Variants in ENAH observed in about 807,000 individuals in gnomAD.
ENAH encodes the protein protein enabled homolog.
A neutral mutation model predicts 78.7 loss-of-function variants in ENAH; 23 were observed. The observed-to-expected ratio is 0.29, with a 90% CI of 0.21 to 0.41. The LOEUF (loss-of-function observed/expected upper bound fraction) is 0.41, where lower values mean the gene tolerates loss of function less well. Among genes scored for constraint, ENAH ranks in the 10% least tolerant of loss-of-function variants. The pLI is 1.00. For missense variants in ENAH, 544 were observed against 691.0 expected (o/e 0.79, Z 2.39); for synonymous variants, 226 against 241.0 (o/e 0.94, Z 0.58).
intron 1 of ENAH, among the ~76,000 whole-genome samples, chr1:225,641,469 TAAAA>T (rs76444455): frequency 1.9e-5 from 1 of 52,290 alleles, no homozygotes; most frequent in African/African-American, 7.5e-5. Flanking sequence ...ACTCCATCTC[TAAAA>T]AAAAAAAAAA....
intron 2 of ENAH, among the ~76,000 whole-genome samples, chr1:225,564,151 T>C (rs887576665): frequency 1.3e-5 from 2 of 152,178 alleles, no homozygotes; most frequent in Non-Finnish European, 2.9e-5. Context: ...GGTCTTGTTC[T>C]GTCTCCCAGG....
intron 1 of ENAH, among the ~76,000 whole-genome samples, chr1:225,578,517 G>A (rs191306186): frequency 7.9e-4 from 121 of 152,238 alleles, no homozygotes; most frequent in South Asian, 1.9e-3. Context: ...AAACTAGTAA[G>A]ACTGAGATTA....
intron 1 of ENAH, among the ~76,000 whole-genome samples, chr1:225,637,826 G>A (rs770489792): frequency 3.3e-5 from 5 of 152,126 alleles, no homozygotes; most frequent in Non-Finnish European, 7.4e-5. Flanking sequence ...AGGAAGCCGA[G>A]GTGCAAGGAT....
At chr1:225,639,745 A>ACACACACACACAC (rs1558949307) in intron 1 of ENAH, among the ~76,000 whole-genome samples, 8 of 101,210 alleles carry the variant, frequency 7.9e-5, no homozygotes, top group African/African-American at 4.5e-4. Context: ...CACACACACA[A>ACACACACACACAC]GAAGGATGGT....
chr1:225,539,362 T>C (rs1314322341), intron 3 of ENAH, among the ~76,000 whole-genome samples: 1 of 152,166 alleles, frequency 6.6e-6, no homozygotes, highest in Non-Finnish European at 1.5e-5. Context: ...ATTTTTCTCA[T>C]CCATTTTACT....
intron 1 of ENAH, among the ~76,000 whole-genome samples, chr1:225,647,133 A>G (rs898163346): frequency 1.3e-5 from 2 of 151,976 alleles, no homozygotes; most frequent in Non-Finnish European, 2.9e-5. Flanking sequence ...GGCTGAGGCT[A>G]GAGAATTGCT....
At position 225,586,953 on chromosome 1, in the gene ENAH, G is replaced by A. The variant is rs546289913; in HGVS notation, c.6-19539C>T. On this transcript the variant is annotated intron_variant, in intron 1 of 13. Coordinates refer to ENST00000366843, the MANE Select transcript of ENAH (RefSeq NM_018212.6). ...CATCTCAAAAAAAAAAGAGGTGGGGGTGGGGTTGGCTGGGGGACAGAAAAA... is the reference window on the plus strand; with the variant it reads ...CATCTCAAAAAAAAAAGAGGTGGGGATGGGGTTGGCTGGGGGACAGAAAAA... Among the ~76,000 whole-genome samples, 4 of 150,176 alleles carry A rather than the reference G, an allele frequency of 2.7e-5. No individual in the cohort carries two copies. The South Asian group carries it at 8.4e-4, about 32-fold the overall frequency.
At chr1:225,653,387 A>C (rs1575899869), upstream of ENAH, among the ~76,000 whole-genome samples, 5 of 147,924 alleles carry the variant, frequency 3.4e-5, no homozygotes, top group African/African-American at 5.0e-5. The surrounding 1 kb of genome is among the most constrained non-coding windows in gnomAD (Gnocchi z 4.3). Flanking sequence ...CGCCCCCTGC[A>C]CCCCTCTGGG....
intron 3 of ENAH, among the ~76,000 whole-genome samples, chr1:225,553,049 T>A (rs1484760048): frequency 6.6e-6 from 1 of 152,018 alleles, no homozygotes; most frequent in Admixed American, 6.6e-5. Flanking sequence ...GCCTGGCCAA[T>A]ATGGTGAAAC....
chr1:225,606,588 C>T (rs2096956826), intron 1 of ENAH, among the ~76,000 whole-genome samples: 1 of 151,952 alleles, frequency 6.6e-6, no homozygotes, highest in African/African-American at 2.4e-5. Flanking sequence ...CGGTTCACGC[C>T]TATAATTCTA....
At chr1:225,615,915 G>A (rs1348181890) in intron 1 of ENAH, among the ~76,000 whole-genome samples, 1 of 152,214 alleles carries the variant, frequency 6.6e-6, no homozygotes, top group Admixed American at 6.5e-5. Flanking sequence ...AAAAGAAAGA[G>A]AAATCAGATT....
At chr1:225,535,126 T>C (rs181127420) in intron 3 of ENAH, among the ~76,000 whole-genome samples, 1 of 152,260 alleles carries the variant, frequency 6.6e-6, no homozygotes, top group East Asian at 1.9e-4. Context: ...ACAAGGCACA[T>C]TTACGTTCCT....
At chr1:225,640,505 G>A (rs1156501224) in intron 1 of ENAH, among the ~76,000 whole-genome samples, 1 of 152,106 alleles carries the variant, frequency 6.6e-6, no homozygotes, top group Non-Finnish European at 1.5e-5. Context: ...ATTAACATTT[G>A]GAAAATTCAA....
At chr1:225,527,247 A>G (rs2096512310) in intron 4 of ENAH, among the ~76,000 whole-genome samples, 1 of 152,230 alleles carries the variant, frequency 6.6e-6, no homozygotes, top group African/African-American at 2.4e-5. Flanking sequence ...GCCAAAGTTA[A>G]CAGGACAATT....
At chr1:225,607,342 T>C (rs2096961468) in intron 1 of ENAH, among the ~76,000 whole-genome samples, 1 of 151,980 alleles carries the variant, frequency 6.6e-6, no homozygotes, top group African/African-American at 2.4e-5. Context: ...AGGCCATGGG[T>C]TGGACAAGCT....
chr1:225,547,888 T>C (rs1455628189), intron 3 of ENAH, among the ~76,000 whole-genome samples: 2 of 152,184 alleles, frequency 1.3e-5, no homozygotes, highest in Non-Finnish European at 2.9e-5. Context: ...GCTGCTCCAG[T>C]GAGAAGGCGG....
chr1:225,535,452 C>T (rs1371843044), intron 3 of ENAH: 54 of 1,151,266 alleles, frequency 4.7e-5, no homozygotes, highest in East Asian at 2.9e-4. Context: ...TATGGAAATG[C>T]GCAAGTAGCA....
chr1:225,591,139 G>A (rs1258195596), intron 1 of ENAH, among the ~76,000 whole-genome samples: 1 of 152,146 alleles, frequency 6.6e-6, no homozygotes, highest in Non-Finnish European at 1.5e-5. Flanking sequence ...ATTGGCACAT[G>A]GACTATACAT....
chr1:225,512,109 C>G (rs1264409228), intron 9 of ENAH, among the ~76,000 whole-genome samples: 1 of 152,168 alleles, frequency 6.6e-6, no homozygotes, highest in Non-Finnish European at 1.5e-5. Context: ...TGCTACAAAG[C>G]CAGACACGAG....
Sources: allele counts gnomAD v4.1 joint callset (sites outside exome capture counted in the v4.1 genomes callset), GRCh38; gene constraint gnomAD v4.1.1; non-coding constraint Gnocchi (gnomAD v3.1); transcripts MANE v1.5; gene names NCBI Gene and HGNC (gene_info 2026-07-23, HGNC 2026-07-21).